The following GP6 variants were observed in gnomAD, a reference collection of about 807,000 sequenced individuals.
GP6 encodes glycoprotein VI platelet.
A neutral mutation model predicts 37.3 loss-of-function variants in GP6; 45 were observed. The ratio of observed to expected loss-of-function variants is 1.21; its 90% confidence interval spans 0.95 to 1.55. GP6 has a LOEUF of 1.55. GP6 is among the 40% of genes most tolerant of loss of function. The probability of loss-of-function intolerance (pLI) is 0.00; values close to 1 mark genes in which losing one functional copy is unlikely to be tolerated. For synonymous variants in GP6, 340 were observed against 316.4 expected, an observed-to-expected ratio of 1.07 and a Z score of -0.79; for missense variants, 813 against 760.2, an observed-to-expected ratio of 1.07 and a Z score of -0.82.
intron 6 of GP6, among the ~76,000 whole-genome samples, chr19:55,017,788 A>G (rs1228837827): frequency 6.6e-6 from 1 of 152,078 alleles, no homozygotes; most frequent in Non-Finnish European, 1.5e-5. Flanking sequence ...TCCCTGGGAT[A>G]TGCCGGGCGC....
chr19:55,014,760 G>T lies in GP6; in HGVS notation c.1185C>A (p.Phe395Leu). Residue 395 changes from phenylalanine to leucine, a missense_variant, in exon 8 of 8, where the codon TTC becomes TTA. Transcript: ENST00000310373. ...GCAGACAGACAGACAGACACTGGCC[G>T]AACGGCTCCCTGATGGAACACCAGG... The T allele has an allele frequency of 6.2e-7, 1 of 1,613,690 alleles. No individual in the cohort carries two copies. The highest frequency in any genetic ancestry group is 8.5e-7 in the Non-Finnish European group (1 of 1,179,852).
rs1252477742 is a variant in GP6 at position 55,032,548 on chromosome 19, GAAGA to G, written c.35-14_35-11del. On this transcript the variant is annotated splice_polypyrimidine_tract_variant and intron_variant, in intron 1 of 7. Transcript: ENST00000310373. The stretch of plus-strand genomic sequence containing the variant: ...CGCCCCAGACACAGCCCTGAGGAAA[GAAGA>G]AAGGGACCAGATGCCAGGACTCGCT... 3 of 1,613,624 alleles carry G rather than the reference GAAGA, an allele frequency of 1.9e-6. No homozygotes were observed. The highest frequency in any genetic ancestry group is 1.1e-5 in the South Asian group (1 of 91,032).
chr19:55,014,595 A>C lies in GP6; in HGVS notation c.1350T>G (p.Ala450=). The C allele has an allele frequency of 6.2e-7, 1 of 1,613,944 alleles. No homozygotes were observed. The highest frequency in any genetic ancestry group is 2.2e-5 in the East Asian group (1 of 44,876). The change falls in exon 8 of 8, where the codon GCT becomes GCG. Residue 450 remains alanine, a synonymous_variant. Transcript: ENST00000310373. Reference sequence around the variant, plus strand: ...CTGGGAACCTTAGAGATCCGTCTGGAGCCCATATTAGAGAGGTTGAAGAAA... The same window carrying C: ...CTGGGAACCTTAGAGATCCGTCTGGCGCCCATATTAGAGAGGTTGAAGAAA...
chr19:55,035,573 G>A (rs897190287), intron 1 of GP6, among the ~76,000 whole-genome samples: 6 of 151,246 alleles, frequency 4.0e-5, no homozygotes, highest in Non-Finnish European at 4.4e-5. Flanking sequence ...AAAAATTAGC[G>A]GGGCGTAGTG....
At chr19:55,027,029 C>G (rs2074333188) in intron 4 of GP6, among the ~76,000 whole-genome samples, 1 of 112,398 alleles carries the variant, frequency 8.9e-6, no homozygotes, top group Non-Finnish European at 1.8e-5. Context: ...GGCCCCGCCC[C>G]TGCAGCCCAG....
chr19:55,026,657 G>A (rs1008942235), intron 4 of GP6, among the ~76,000 whole-genome samples: 1 of 152,132 alleles, frequency 6.6e-6, no homozygotes, highest in Admixed American at 6.5e-5. Flanking sequence ...TTGGGAGGCC[G>A]AGGCGGGCAG....
At chr19:55,015,293 G>C in intron 7 of GP6, 128 bp from the exon 8 acceptor site, 1 of 1,457,316 alleles carries the variant, frequency 6.9e-7, no homozygotes, top group Non-Finnish European at 9.4e-7. Context: ...CACTTTCCTG[G>C]AGGGTCCCTC....
At chr19:55,026,791 C>A (rs2074320601) in intron 4 of GP6, among the ~76,000 whole-genome samples, 1 of 151,988 alleles carries the variant, frequency 6.6e-6, no homozygotes, top group African/African-American at 2.4e-5. Context: ...GAGGCTGAGG[C>A]AGCAGAATCG....
At chr19:55,017,983 G>A (rs1230480700) in intron 6 of GP6, among the ~76,000 whole-genome samples, 3 of 152,146 alleles carry the variant, frequency 2.0e-5, no homozygotes, top group Middle Eastern at 3.4e-3. Context: ...CAGGAGAATC[G>A]CTTGAACCCG....
intron 1 of GP6, among the ~76,000 whole-genome samples, chr19:55,036,414 A>T (rs1358212326): frequency 6.6e-6 from 1 of 152,088 alleles, no homozygotes; most frequent in African/African-American, 2.4e-5. Context: ...AACAAGCCAG[A>T]TGCAGTAACC....
At chr19:55,027,023 C>G (rs2074332867) in intron 4 of GP6, among the ~76,000 whole-genome samples, 2 of 123,568 alleles carry the variant, frequency 1.6e-5, no homozygotes, top group African/African-American at 3.3e-5. Flanking sequence ...ACCTACGGCC[C>G]CGCCCCTGCA....
At chr19:55,024,282 A>ACACATGCACGCACACGCACATGCACG (rs1471713548) in intron 5 of GP6, among the ~76,000 whole-genome samples, 2 of 70,746 alleles carry the variant, frequency 2.8e-5, no homozygotes, top group African/African-American at 1.0e-4. Context: ...GCATGCACAC[A>ACACATGCACGCACACGCACATGCACG]CACACATATG....
intron 5 of GP6, among the ~76,000 whole-genome samples, chr19:55,021,473 A>G (rs912081817): frequency 2.7e-5 from 4 of 147,700 alleles, no homozygotes; most frequent in Non-Finnish European, 4.5e-5. Flanking sequence ...AAGCATTCCT[A>G]TTTCTCCACA....
At chr19:55,036,655 TGC>T (rs2074840399) in intron 1 of GP6, among the ~76,000 whole-genome samples, 4 of 152,142 alleles carry the variant, frequency 2.6e-5, no homozygotes, top group African/African-American at 9.7e-5. Flanking sequence ...GCCATGATCA[TGC>T]CACTGCCCTC....
intron 1 of GP6, among the ~76,000 whole-genome samples, chr19:55,034,225 T>C (rs1030325135): frequency 2.0e-5 from 3 of 151,704 alleles, no homozygotes; most frequent in East Asian, 3.9e-4. Flanking sequence ...CCTCCTGGAA[T>C]TGCTTGAGCC....
Position 55,014,356 on chromosome 19 carries a change from G to A in GP6, c.1589C>T (p.Pro530Leu), listed in dbSNP as rs772444957. 34 of 1,611,128 alleles carry A rather than the reference G, an allele frequency of 2.1e-5. No individual in the cohort carries two copies. Among genetic ancestry groups the A allele is most frequent in the Admixed American group, 3.3e-5 (2 of 59,980 alleles). Residue 530 changes from proline (P) to leucine (L), a missense_variant, in exon 8 of 8, where the codon CCG becomes CTG. By Grantham distance (98) the Pro-to-Leu change is moderately conservative (BLOSUM62 -3). Coordinates refer to ENST00000310373, the MANE Select transcript of GP6 (RefSeq NM_001083899.2). ...CTTGTTTTCTAATGTGAAGGGAAGC[G>A]GGCAACGTGCTAGTTTTACACTAAG...
intron 5 of GP6, among the ~76,000 whole-genome samples, chr19:55,022,236 T>G (rs909836850): frequency 1.3e-5 from 2 of 152,230 alleles, no homozygotes; most frequent in African/African-American, 4.8e-5. Context: ...GCCTGTGTCC[T>G]GAATGGTATT....
At chr19:55,021,722 G>A (rs1462418354) in intron 5 of GP6, among the ~76,000 whole-genome samples, 9 of 151,658 alleles carry the variant, frequency 5.9e-5, no homozygotes, top group Admixed American at 2.6e-4. Context: ...GGGTTTCACC[G>A]TGTTAGCCAG....
At position 55,015,184 on chromosome 19, in the gene GP6, G is replaced by A. The variant is rs2073825755; in HGVS notation, c.780-19C>T. The A allele has an allele frequency of 6.4e-7, 1 of 1,552,054 alleles. No homozygotes were observed. Among genetic ancestry groups the A allele is most frequent in the Non-Finnish European group, 8.7e-7 (1 of 1,147,400 alleles). ...GCAGGACCTGGAGGAATGAGGAGAG[G>A]CAGGAGCAGGTGAAAGAGCCCACCT... On this transcript the variant is annotated intron_variant, in intron 7 of 7. Transcript: ENST00000310373.
Sources: gnomAD v4.1 joint callset for allele counts (sites outside exome capture counted in the v4.1 genomes callset) on GRCh38, gnomAD v4.1.1 for gene constraint, MANE v1.5 for transcripts, NCBI Gene and HGNC (gene_info 2026-07-23, HGNC 2026-07-21) for gene names.